The following PARD3B variants were observed in gnomAD, a reference collection of about 807,000 sequenced individuals.
PARD3B encodes par-3 family cell polarity regulator beta.
PARD3B carries 103 observed loss-of-function variants against 130.2 expected under a neutral mutation model. The ratio of observed to expected loss-of-function variants is 0.79; its 90% confidence interval spans 0.67 to 0.93. The LOEUF (loss-of-function observed/expected upper bound fraction) is 0.93, where lower values mean the gene tolerates loss of function less well. PARD3B is among the 40% of genes least tolerant of loss of function. PARD3B has a pLI of 0.00. For synonymous variants in PARD3B, 583 were observed against 553.2 expected (o/e 1.05, Z -0.76); for missense variants, 1,609 against 1,499.2 (o/e 1.07, Z -1.21).
At position 205,300,827 on chromosome 2, in the gene PARD3B, TG is replaced by T. The variant is rs2041970555; in HGVS notation, c.2392+92del. The T allele has an allele frequency of 2.5e-5, 31 of 1,258,170 alleles. No individual in the cohort carries two copies. Among genetic ancestry groups the T allele is most frequent in the Non-Finnish European group, 3.4e-5 (31 of 905,204 alleles). The allele number at this position is 1,258,170 out of a possible 1,614,324, so 77.9% of individuals were successfully genotyped here. ...ATGTGTGCTCAACTACAGAAAAAAA[TG>T]ATTTAAGGATCACAATTATATTTTT... On this transcript the variant is annotated intron_variant, in intron 17 of 22. Coordinates refer to ENST00000406610, the MANE Select transcript of PARD3B (RefSeq NM_001302769.2). This position sits in a 1 kb window ranked among gnomAD's most constrained non-coding sequence, Gnocchi z 4.1.
At chr2:204,838,090 A>G (rs950052603) in intron 2 of PARD3B, among the ~76,000 whole-genome samples, 1 of 152,210 alleles carries the variant, frequency 6.6e-6, no homozygotes, top group Non-Finnish European at 1.5e-5. Flanking sequence ...ACAAAGAGCT[A>G]TGAAACCAGT....
intron 2 of PARD3B, among the ~76,000 whole-genome samples, chr2:204,717,518 T>C (rs752435148): frequency 6.6e-6 from 1 of 152,106 alleles, no homozygotes. Context: ...TTTCAGCTAG[T>C]TTAGGTGTCT....
chr2:205,071,969 T>C (rs748104670), intron 4 of PARD3B, among the ~76,000 whole-genome samples: 4 of 143,810 alleles, frequency 2.8e-5, no homozygotes, highest in Admixed American at 7.6e-5. Context: ...GTGTGACTCA[T>C]GTTTTCTGTG....
chr2:205,518,833 T>C (rs956057073), intron 21 of PARD3B, among the ~76,000 whole-genome samples: 1 of 152,232 alleles, frequency 6.6e-6, no homozygotes, highest in African/African-American at 2.4e-5. Flanking sequence ...CTCCTTTGCT[T>C]AGGAACCTTA....
At chr2:204,730,710 T>G (rs575483199) in intron 2 of PARD3B, among the ~76,000 whole-genome samples, 73 of 152,294 alleles carry the variant, frequency 4.8e-4, no homozygotes, top group African/African-American at 1.7e-3. Context: ...GATGGAATAT[T>G]TCAGTCTCAG....
Position 205,128,635 on chromosome 2 carries a change from G to C in PARD3B, c.1434+2898G>C, listed in dbSNP as rs904000162. On this transcript the variant is annotated intron_variant, in intron 10 of 22. Transcript: ENST00000406610. This position sits in a 1 kb window ranked among gnomAD's most constrained non-coding sequence, Gnocchi z 4.5. ...TAATACAGGCAAAGCTTGTAGCATA[G>C]TTTCTGGCTAATTGTAAGTTCTCAA... Among the ~76,000 whole-genome samples, 3 of 152,128 alleles carry C rather than the reference G, an allele frequency of 2.0e-5. No individual in the cohort carries two copies. The highest frequency in any genetic ancestry group is 2.9e-5 in the Non-Finnish European group (2 of 68,030).
intron 10 of PARD3B, among the ~76,000 whole-genome samples, chr2:205,135,737 A>G (rs1340671071): frequency 6.6e-6 from 1 of 152,194 alleles, no homozygotes; most frequent in South Asian, 2.1e-4. Context: ...CATATGACAC[A>G]TAACGCAACA....
At chr2:204,773,483 A>G (rs1265977909) in intron 2 of PARD3B, among the ~76,000 whole-genome samples, 3 of 152,108 alleles carry the variant, frequency 2.0e-5, no homozygotes, top group South Asian at 2.1e-4. Flanking sequence ...TTGCATTTCA[A>G]TGGGAATAGT....
chr2:205,177,410 T>C (rs1371793482), intron 13 of PARD3B, among the ~76,000 whole-genome samples: 1 of 152,220 alleles, frequency 6.6e-6, no homozygotes, highest in Non-Finnish European at 1.5e-5. Flanking sequence ...ATGAAATGTA[T>C]GTAATGTTTA....
At chr2:205,069,299 C>G (rs1170405099) in intron 4 of PARD3B, among the ~76,000 whole-genome samples, 1 of 151,700 alleles carries the variant, frequency 6.6e-6, no homozygotes, top group Non-Finnish European at 1.5e-5. Flanking sequence ...TTTTTCTATC[C>G]TTTTATTTTA....
intron 2 of PARD3B, among the ~76,000 whole-genome samples, chr2:204,900,592 T>C (rs1321839801): frequency 6.6e-6 from 1 of 152,254 alleles, no homozygotes; most frequent in Non-Finnish European, 1.5e-5. Context: ...GTCATAAATC[T>C]TTTAAAAGGT....
rs116704709 is a variant in PARD3B, at chr2:204,726,189, G to A, written c.222+39907G>A. On this transcript the variant is annotated intron_variant, in intron 2 of 22. Coordinates refer to ENST00000406610, the MANE Select transcript of PARD3B (RefSeq NM_001302769.2). The stretch of plus-strand genomic sequence containing the variant: ...ATGTTCATTATTATGCTTATGTTGG[G>A]TGGTGACAGATAAAGGAATGTACCT... Among the ~76,000 whole-genome samples, 808 of 152,304 alleles carry A rather than the reference G, an allele frequency of 5.3e-3. 4 individuals are homozygous for A. Among genetic ancestry groups the A allele is most frequent in the African/African-American group, 0.018 (743 of 41,568 alleles).
rs551464775 is a variant in PARD3B at position 205,105,553 on chromosome 2, T to C, written c.593+1039T>C. 6.6e-6 allele frequency among the ~76,000 whole-genome samples: 1 copy of C among 152,338 alleles called. No homozygotes were observed. The highest frequency in any genetic ancestry group is 2.4e-5 in the African/African-American group (1 of 41,578). ...TCATCCTTTGTCATGTGCTTTACTG[T>C]ATGGATTCTCCTCAAACTTATTTAT... On this transcript the variant is annotated intron_variant, in intron 5 of 22. Coordinates refer to ENST00000406610, the MANE Select transcript of PARD3B (RefSeq NM_001302769.2). The surrounding 1 kb of genome is among the most constrained non-coding windows in gnomAD (Gnocchi z 4.0).
At chr2:205,429,768 C>T (rs938151540) in intron 19 of PARD3B, among the ~76,000 whole-genome samples, 8 of 152,128 alleles carry the variant, frequency 5.3e-5, no homozygotes, top group African/African-American at 1.9e-4. Flanking sequence ...AACTTGGTGC[C>T]TTTACTACAA....
intron 18 of PARD3B, among the ~76,000 whole-genome samples, chr2:205,332,461 A>C (rs1185643150): frequency 2.6e-5 from 4 of 152,202 alleles, no homozygotes; most frequent in Non-Finnish European, 5.9e-5. Context: ...GAGGAGAAGA[A>C]AGAGGGGAGG....
chr2:205,516,239 G>A (rs903224553), intron 21 of PARD3B, among the ~76,000 whole-genome samples: 1 of 152,086 alleles, frequency 6.6e-6, no homozygotes, highest in Non-Finnish European at 1.5e-5. Flanking sequence ...GATACCTCCT[G>A]CTTTGTTATT....
At chr2:204,889,456 C>T (rs897809540) in intron 2 of PARD3B, among the ~76,000 whole-genome samples, 1 of 152,084 alleles carries the variant, frequency 6.6e-6, no homozygotes, top group Non-Finnish European at 1.5e-5. Context: ...GGAATGTGGA[C>T]CCATTATTCT....
rs2053208989 is a variant in PARD3B at position 205,563,449 on chromosome 2, G to A, written c.3260+10046G>A. ...AACCCAGGACTCTCTGGTTTCCAAG[G>A]CCTTTTTAATTTCACTTGACCCCAC... On this transcript the variant is annotated intron_variant, in intron 22 of 22. Transcript: ENST00000406610. This position sits in a 1 kb window ranked among gnomAD's most constrained non-coding sequence, Gnocchi z 4.2. Among the ~76,000 whole-genome samples the A allele has an allele frequency of 6.6e-6, 1 of 152,086 alleles. No individual in the cohort carries two copies. Among genetic ancestry groups the A allele is most frequent in the Admixed American group, 6.5e-5 (1 of 15,270 alleles).
Position 205,321,682 on chromosome 2 carries a change from T to C in PARD3B, c.2630+19981T>C, listed in dbSNP as rs2042758484. On this transcript the variant is annotated intron_variant, in intron 18 of 22. Transcript: ENST00000406610. The surrounding 1 kb of genome is among the most constrained non-coding windows in gnomAD (Gnocchi z 4.2). ...AGTTGGCCTCAAGTAAACCTCAAAA[T>C]AGCAAAATCAGAAATTACAAACAAG... Among the ~76,000 whole-genome samples, 1 of 152,182 alleles carries C rather than the reference T, an allele frequency of 6.6e-6. No individual in the cohort carries two copies. The highest frequency in any genetic ancestry group is 1.5e-5 in the Non-Finnish European group (1 of 68,014).
Sources: allele counts gnomAD v4.1 joint callset (sites outside exome capture counted in the v4.1 genomes callset), GRCh38; gene constraint gnomAD v4.1.1; non-coding constraint Gnocchi (gnomAD v3.1); transcripts MANE v1.5; gene names NCBI Gene and HGNC (gene_info 2026-07-23, HGNC 2026-07-21).